Variants in NAA35 observed in about 807,000 individuals in gnomAD.
NAA35 encodes N-alpha-acetyltransferase 35, NatC auxiliary subunit.
In NAA35, 18 loss-of-function variants were observed where a neutral mutation model predicts 101.7. That is an observed-to-expected ratio of 0.18 (90% CI 0.12 to 0.26). NAA35 has a LOEUF of 0.26. NAA35 is among the 10% of genes least tolerant of loss of function. The probability of loss-of-function intolerance (pLI) is 1.00; values close to 1 mark genes in which losing one functional copy is unlikely to be tolerated. For synonymous variants in NAA35, 267 were observed against 273.1 expected, an observed-to-expected ratio of 0.98 and a Z score of 0.22; for missense variants, 601 against 886.8, an observed-to-expected ratio of 0.68 and a Z score of 4.09.
At chr9:86,006,044 G>A (rs1186061840) in intron 13 of NAA35, among the ~76,000 whole-genome samples, 8 of 151,892 alleles carry the variant, frequency 5.3e-5, no homozygotes, top group Admixed American at 4.6e-4. Flanking sequence ...GGTGGCAGGC[G>A]CCTGTAATCC....
chr9:85,954,487 A>T (rs1268890489), intron 2 of NAA35, among the ~76,000 whole-genome samples: 1 of 152,314 alleles, frequency 6.6e-6, no homozygotes. Flanking sequence ...CCACATCCTC[A>T]TAACACTTAT....
intron 9 of NAA35, 34 bp downstream of exon 9, chr9:85,976,769 G>C: frequency 6.8e-7 from 1 of 1,470,694 alleles, no homozygotes; most frequent in Non-Finnish European, 9.4e-7. Flanking sequence ...GATAATATCA[G>C]AGAAGTCTAC....
intron 12 of NAA35, among the ~76,000 whole-genome samples, chr9:86,002,961 C>CTGTG (rs1474289905): frequency 6.6e-6 from 1 of 152,124 alleles, no homozygotes; most frequent in Non-Finnish European, 1.5e-5. Flanking sequence ...TTTCTCATCT[C>CTGTG]TGTGTGTGGA....
At chr9:86,005,435 A>G (rs1176939201) in intron 13 of NAA35, among the ~76,000 whole-genome samples, 2 of 152,266 alleles carry the variant, frequency 1.3e-5, no homozygotes, top group South Asian at 2.1e-4. Flanking sequence ...GAAGAAGGCA[A>G]AGATGCCCAC....
In NAA35 at chr9:86,023,980, A is replaced by T. The variant is rs1408353858; in HGVS notation, c.*2020A>T. Among the ~76,000 whole-genome samples the T allele has an allele frequency of 2.0e-5, 3 of 152,224 alleles. No individual in the cohort carries two copies. Among genetic ancestry groups the T allele is most frequent in the Admixed American group, 2.0e-4 (3 of 15,282 alleles). On this transcript the variant is annotated 3_prime_UTR_variant, in exon 23 of 23. Coordinates refer to ENST00000361671, the MANE Select transcript of NAA35 (RefSeq NM_024635.4). ...ATTATAGGCAAATGCCTGCTTGGCT[A>T]GTTTTTGTTTTTAAACAGCAGGTTT...
At chr9:85,988,725 G>C (rs1417025801) in intron 11 of NAA35, among the ~76,000 whole-genome samples, 1 of 152,030 alleles carries the variant, frequency 6.6e-6, no homozygotes, top group African/African-American at 2.4e-5. Context: ...GAACCTGGGA[G>C]GCGGAGGTTG....
chr9:86,009,521 C>T (rs1227072587), intron 14 of NAA35, among the ~76,000 whole-genome samples: 1 of 152,090 alleles, frequency 6.6e-6, no homozygotes, highest in African/African-American at 2.4e-5. Flanking sequence ...GGAGCACAGT[C>T]CATGAGGAAA....
chr9:86,021,884 T>G lies in NAA35; in HGVS notation c.2119-17T>G. On this transcript the variant is annotated splice_polypyrimidine_tract_variant and intron_variant, in intron 22 of 22. Coordinates refer to ENST00000361671, the MANE Select transcript of NAA35 (RefSeq NM_024635.4). Reference sequence around the variant, plus strand: ...TATTTGTAGATACATTAATTGAGTTTCGTTTTTCTTTAACAGGTTCCTCCT... The same window carrying G: ...TATTTGTAGATACATTAATTGAGTTGCGTTTTTCTTTAACAGGTTCCTCCT... 6.2e-7 allele frequency: 1 copy of G among 1,600,600 alleles called. No homozygotes were observed. The highest frequency in any genetic ancestry group is 2.2e-5 in the East Asian group (1 of 44,782).
At chr9:85,957,032 G>A (rs760916291) in intron 3 of NAA35, among the ~76,000 whole-genome samples, 12 of 152,258 alleles carry the variant, frequency 7.9e-5, no homozygotes, top group Non-Finnish European at 1.8e-4. Flanking sequence ...GGGTAGTATC[G>A]TTGACCCTTG....
chr9:85,957,829 A>C lies in NAA35; in HGVS notation c.159-643A>C, dbSNP rs571614355. 2.0e-5 allele frequency among the ~76,000 whole-genome samples: 3 copies of C among 152,178 alleles called. No homozygotes were observed. In the East Asian group the frequency reaches 5.8e-4, roughly 29 times the overall value. ...GAATCTGAAATTCAGTTCTTCTCAG[A>C]TTTGAGCGTGTGCCAGAATTGTCTG... is the stretch of plus-strand genomic sequence containing the variant. On this transcript the variant is annotated intron_variant, in intron 3 of 22. Transcript: ENST00000361671.
intron 15 of NAA35, 30 bp downstream of exon 15, chr9:86,009,961 G>T: frequency 6.4e-7 from 1 of 1,574,178 alleles, no homozygotes; most frequent in South Asian, 1.1e-5. Context: ...TTGTCATAAT[G>T]GGTACTTTAA....
intron 11 of NAA35, among the ~76,000 whole-genome samples, chr9:85,980,695 T>C (rs934616278): frequency 1.2e-4 from 18 of 152,222 alleles, no homozygotes; most frequent in Admixed American, 4.6e-4. Flanking sequence ...GGCACTCAGA[T>C]TTTATTTATG....
In NAA35 at chr9:86,023,770, A is replaced by C. The variant is rs189339743; in HGVS notation, c.*1810A>C. Among the ~76,000 whole-genome samples, 1 of 152,256 alleles carries C rather than the reference A, an allele frequency of 6.6e-6. No homozygotes were observed. The highest frequency in any genetic ancestry group is 1.5e-5 in the Non-Finnish European group (1 of 68,044). On this transcript the variant is annotated 3_prime_UTR_variant, in exon 23 of 23. Transcript: ENST00000361671. ...TTTTCCTATTAACCCATTATCAACTAAAAAAGATTGATTAGTGTTAGATTT... is the reference window on the plus strand; with the variant it reads ...TTTTCCTATTAACCCATTATCAACTCAAAAAGATTGATTAGTGTTAGATTT...
intron 11 of NAA35, among the ~76,000 whole-genome samples, chr9:85,987,420 C>A (rs1239562104): frequency 6.6e-6 from 1 of 152,220 alleles, no homozygotes. Flanking sequence ...TTAACTTGCC[C>A]ACCATGGCAG....
chr9:85,941,978 C>A (rs1340995816), intron 1 of NAA35, 177 bp from the exon 2 acceptor site: 3 of 1,232,786 alleles, frequency 2.4e-6, no homozygotes, highest in Non-Finnish European at 3.2e-6. Flanking sequence ...TGTTAATTGA[C>A]GTGCGATTTG....
chr9:85,973,755 T>A (rs1395447417), intron 6 of NAA35, among the ~76,000 whole-genome samples: 2 of 152,164 alleles, frequency 1.3e-5, no homozygotes, highest in Admixed American at 6.5e-5. Flanking sequence ...GAGTGTTTTT[T>A]TTTTTTAAGG....
At chr9:86,012,836 C>A (rs1832013596) in intron 15 of NAA35, among the ~76,000 whole-genome samples, 1 of 152,172 alleles carries the variant, frequency 6.6e-6, no homozygotes, top group South Asian at 2.1e-4. Flanking sequence ...GCAAGTTTCA[C>A]ATGAAGCTGT....
intron 6 of NAA35, among the ~76,000 whole-genome samples, chr9:85,971,852 T>A (rs1421856205): frequency 6.6e-6 from 1 of 150,880 alleles, no homozygotes; most frequent in African/African-American, 2.4e-5. Context: ...TTTTTTTTTT[T>A]AACCAACTTC....
intron 6 of NAA35, among the ~76,000 whole-genome samples, chr9:85,972,287 C>G (rs999756404): frequency 2.0e-5 from 3 of 151,930 alleles, no homozygotes; most frequent in African/African-American, 7.3e-5. Flanking sequence ...GGGTGGATCA[C>G]TTGAGCTTAG....
Sources: allele counts gnomAD v4.1 joint callset (sites outside exome capture counted in the v4.1 genomes callset), GRCh38; gene constraint gnomAD v4.1.1; transcripts MANE v1.5; gene names NCBI Gene and HGNC (gene_info 2026-07-23, HGNC 2026-07-21).